Variants in SCHIP1 observed in about 807,000 individuals in gnomAD.
The protein encoded by SCHIP1 is schwannomin-interacting protein 1.
In SCHIP1, 8 loss-of-function variants were observed where a neutral mutation model predicts 29.7. The observed-to-expected ratio is 0.27, with a 90% CI of 0.16 to 0.49. The LOEUF (loss-of-function observed/expected upper bound fraction) is 0.49. Ranked by LOEUF, SCHIP1 falls within the 20% of genes least tolerant of loss-of-function variation. The pLI, the probability that SCHIP1 is intolerant of heterozygous loss-of-function variation, is 0.99. For missense variants in SCHIP1, 193 were observed against 294.6 expected (o/e 0.66, Z 2.52); for synonymous variants, 76 against 94.9 (o/e 0.80, Z 1.16).
At chr3:159,383,023 G>A in the SCHIP1 span, among the ~76,000 whole-genome samples, 6 of 150,022 alleles carry the variant, frequency 4.0e-5, no homozygotes, top group African/African-American at 1.5e-4. Flanking sequence ...TGTCAGATGA[G>A]TAGGTTGAGA....
At chr3:159,288,955 A>C in the SCHIP1 span, among the ~76,000 whole-genome samples, 1 of 152,166 alleles carries the variant, frequency 6.6e-6, no homozygotes, top group African/African-American at 2.4e-5. Context: ...GTAAGTCAAT[A>C]CTGAGCTGAT....
the SCHIP1 span, among the ~76,000 whole-genome samples, chr3:159,830,991 G>A: frequency 2.6e-4 from 40 of 152,312 alleles, no homozygotes; most frequent in Admixed American, 2.6e-3. Flanking sequence ...CCACAGTTGA[G>A]GTTTGAGAAA....
chr3:159,545,913 C>G, the SCHIP1 span, among the ~76,000 whole-genome samples: 1 of 151,424 alleles, frequency 6.6e-6, no homozygotes, highest in African/African-American at 2.4e-5. Flanking sequence ...GAGCATGTTC[C>G]TCCACTTCAA....
At chr3:159,287,875 A>G in the SCHIP1 span, among the ~76,000 whole-genome samples, 2 of 152,326 alleles carry the variant, frequency 1.3e-5, no homozygotes, top group South Asian at 4.1e-4. Context: ...TTCAACTTAA[A>G]TAGGAAAGTA....
At chr3:159,754,558 T>G in the SCHIP1 span, among the ~76,000 whole-genome samples, 1 of 152,232 alleles carries the variant, frequency 6.6e-6, no homozygotes, top group Non-Finnish European at 1.5e-5. Context: ...TCTGAAGGCT[T>G]GCACAAACTT....
the SCHIP1 span, among the ~76,000 whole-genome samples, chr3:159,317,915 A>G: frequency 9.8e-5 from 15 of 152,314 alleles, no homozygotes; most frequent in Admixed American, 7.8e-4. Flanking sequence ...AAGAATTCCA[A>G]TATAATCAGC....
At chr3:159,531,439 C>T in the SCHIP1 span, among the ~76,000 whole-genome samples, 12 of 152,170 alleles carry the variant, frequency 7.9e-5, no homozygotes, top group Non-Finnish European at 1.8e-4. Flanking sequence ...TGCTTTGTAA[C>T]TGTTAATTTC....
chr3:159,439,487 A>G, the SCHIP1 span, among the ~76,000 whole-genome samples: 4 of 152,146 alleles, frequency 2.6e-5, no homozygotes, highest in African/African-American at 9.7e-5. Flanking sequence ...CCCATGATTC[A>G]ATTACCTCCA....
chr3:159,750,748 G>A, the SCHIP1 span, among the ~76,000 whole-genome samples: 1 of 152,132 alleles, frequency 6.6e-6, no homozygotes, highest in African/African-American at 2.4e-5. Context: ...ATTTGGTGAT[G>A]GGGCAGTGGG....
the SCHIP1 span, among the ~76,000 whole-genome samples, chr3:159,671,844 GTC>G: frequency 2.0e-4 from 30 of 152,260 alleles, no homozygotes; most frequent in African/African-American, 7.0e-4. Flanking sequence ...GGAACAAAGA[GTC>G]TGAGAAATGC....
At chr3:159,549,029 GTT>G in the SCHIP1 span, among the ~76,000 whole-genome samples, 1 of 152,126 alleles carries the variant, frequency 6.6e-6, no homozygotes, top group Non-Finnish European at 1.5e-5. Context: ...GAATATTAAT[GTT>G]TTTGTTTTAG....
chr3:159,481,829 C>T, the SCHIP1 span, among the ~76,000 whole-genome samples: 1 of 152,154 alleles, frequency 6.6e-6, no homozygotes, highest in South Asian at 2.1e-4. Flanking sequence ...AAGAGAATGT[C>T]TTTTCTCCAT....
the SCHIP1 span, among the ~76,000 whole-genome samples, chr3:159,738,786 C>T: frequency 6.6e-6 from 1 of 152,158 alleles, no homozygotes; most frequent in East Asian, 1.9e-4. Flanking sequence ...GAGAGAGAAA[C>T]TGTGTGTATT....
At chr3:159,401,322 C>T in the SCHIP1 span, 1 of 945,140 alleles carries the variant, frequency 1.1e-6, no homozygotes, top group Non-Finnish European at 1.3e-6. Context: ...TATACAAACT[C>T]TATCTTTGAG....
the SCHIP1 span, among the ~76,000 whole-genome samples, chr3:159,483,170 G>C: frequency 5.3e-5 from 8 of 152,024 alleles, no homozygotes; most frequent in South Asian, 8.3e-4. Flanking sequence ...TCAAATTTAG[G>C]AATCACTTTT....
the SCHIP1 span, among the ~76,000 whole-genome samples, chr3:159,458,564 C>CTTT: frequency 6.9e-6 from 1 of 143,896 alleles, no homozygotes. Flanking sequence ...ACTGACTTTT[C>CTTT]TTTTTTTTTT....
chr3:159,313,391 G>A, the SCHIP1 span, among the ~76,000 whole-genome samples: 1 of 152,176 alleles, frequency 6.6e-6, no homozygotes, highest in African/African-American at 2.4e-5. Context: ...GGACCATAAT[G>A]ACAGCCACTA....
At chr3:159,517,410 T>C in the SCHIP1 span, among the ~76,000 whole-genome samples, 208 of 152,162 alleles carry the variant, frequency 1.4e-3, no homozygotes, top group Non-Finnish European at 2.5e-3. Context: ...TATTTTAAGA[T>C]ATAAATACAT....
At chr3:159,780,603 G>A in the SCHIP1 span, among the ~76,000 whole-genome samples, 2 of 152,222 alleles carry the variant, frequency 1.3e-5, no homozygotes, top group African/African-American at 2.4e-5. Flanking sequence ...GATGTTCAAA[G>A]TGTCATAAAT....
Sources: gnomAD v4.1 joint callset for allele counts (sites outside exome capture counted in the v4.1 genomes callset) on GRCh38, gnomAD v4.1.1 for gene constraint, MANE v1.5 for transcripts, NCBI Gene and HGNC (gene_info 2026-07-23, HGNC 2026-07-21) for gene names.